Variants in ACAP2 observed in about 807,000 individuals in gnomAD.
The protein encoded by ACAP2 is arf-GAP with coiled-coil, ANK repeat and PH domain-containing protein 2.
A neutral mutation model predicts 115.8 loss-of-function variants in ACAP2; 39 were observed. That is an observed-to-expected ratio of 0.34 (90% CI 0.26 to 0.44). The LOEUF (loss-of-function observed/expected upper bound fraction) is 0.44. Ranked by LOEUF, ACAP2 falls within the 20% of genes least tolerant of loss-of-function variation. ACAP2 has a pLI of 1.00. For synonymous variants in ACAP2, 289 were observed against 315.8 expected (o/e 0.92, Z 0.90); for missense variants, 662 against 927.6 (o/e 0.71, Z 3.72).
At chr3:195,395,031 G>A (rs1711621661) in intron 1 of ACAP2, among the ~76,000 whole-genome samples, 3 of 145,614 alleles carry the variant, frequency 2.1e-5, no homozygotes, top group Non-Finnish European at 4.4e-5. Context: ...ATGAATAGAT[G>A]ACTTCTATTC....
intron 13 of ACAP2, among the ~76,000 whole-genome samples, chr3:195,305,721 A>T (rs1728378145): frequency 2.0e-5 from 3 of 152,042 alleles, no homozygotes; most frequent in Non-Finnish European, 4.4e-5. Context: ...CAATGTTCCC[A>T]TCATTTGTAC....
At chr3:195,372,112 C>T (rs1733191298) in intron 4 of ACAP2, among the ~76,000 whole-genome samples, 1 of 152,062 alleles carries the variant, frequency 6.6e-6, no homozygotes, top group African/African-American at 2.4e-5. Context: ...ACAATAATAT[C>T]AGATCGAGAA....
intron 1 of ACAP2, among the ~76,000 whole-genome samples, chr3:195,428,795 G>C (rs946651737): frequency 1.3e-5 from 2 of 152,130 alleles, no homozygotes; most frequent in Non-Finnish European, 2.9e-5. Flanking sequence ...CCAAATGCTA[G>C]CAAGAATGTG....
At chr3:195,434,777 T>C (rs779617607) in intron 1 of ACAP2, among the ~76,000 whole-genome samples, 3 of 152,232 alleles carry the variant, frequency 2.0e-5, no homozygotes, top group Non-Finnish European at 4.4e-5. Flanking sequence ...CTATTTTTTA[T>C]AGGTCTGTTC....
chr3:195,398,094 C>T (rs749697973), intron 1 of ACAP2, among the ~76,000 whole-genome samples: 18 of 152,146 alleles, frequency 1.2e-4, no homozygotes, highest in Non-Finnish European at 2.1e-4. Context: ...GAGTCCTCTC[C>T]TAACTTCCTA....
At chr3:195,341,329 T>G (rs951821979) in intron 6 of ACAP2, among the ~76,000 whole-genome samples, 7 of 140,208 alleles carry the variant, frequency 5.0e-5, no homozygotes, top group African/African-American at 1.8e-4. Flanking sequence ...GGGTTTTTTT[T>G]TTTTTTTTTT....
chr3:195,436,113 A>G (rs1339279655), intron 1 of ACAP2, among the ~76,000 whole-genome samples: 1 of 133,426 alleles, frequency 7.5e-6, no homozygotes, highest in Non-Finnish European at 1.5e-5. Flanking sequence ...ATATATACAT[A>G]TATATGTATA....
intron 1 of ACAP2, among the ~76,000 whole-genome samples, chr3:195,418,685 G>A (rs553679986): frequency 3.3e-4 from 50 of 152,142 alleles, no homozygotes; most frequent in African/African-American, 1.1e-3. Flanking sequence ...CCACCACGGC[G>A]TCCCCAAGTG....
chr3:195,364,036 T>C (rs577017391), intron 4 of ACAP2, among the ~76,000 whole-genome samples: 26 of 152,224 alleles, frequency 1.7e-4, no homozygotes, highest in Admixed American at 1.4e-3. Context: ...CTCCAGGACA[T>C]TGGACTGGAT....
chr3:195,326,733 C>A (rs1729820937), intron 9 of ACAP2, 152 bp downstream of exon 9: 3 of 588,288 alleles, frequency 5.1e-6, no homozygotes, highest in Non-Finnish European at 8.7e-6. Flanking sequence ...ATCTGAAGAA[C>A]ATTTTGCTCT....
At chr3:195,423,442 G>T (rs1275441787) in intron 1 of ACAP2, among the ~76,000 whole-genome samples, 2 of 152,034 alleles carry the variant, frequency 1.3e-5, no homozygotes, top group East Asian at 3.9e-4. Context: ...GGCCAACATG[G>T]TGAAACCTCA....
intron 1 of ACAP2, among the ~76,000 whole-genome samples, chr3:195,434,021 C>T (rs1715340788): frequency 6.6e-6 from 1 of 151,948 alleles, no homozygotes; most frequent in African/African-American, 2.4e-5. Flanking sequence ...CTCAACTACC[C>T]AGGCTCAAGT....
At position 195,415,171 on chromosome 3, in the gene ACAP2, G is replaced by A. The variant is rs116422627; in HGVS notation, c.54-23024C>T. Among the ~76,000 whole-genome samples the A allele has an allele frequency of 9.5e-3, 1,442 of 152,180 alleles. 18 individuals carry two copies. The highest frequency in any genetic ancestry group is 0.031 in the African/African-American group (1,287 of 41,514). ...TGCTTGTAACAAATGTATCATTCTGGTACAGGATGTTGATAGTGGGGAAGG... is the reference window on the plus strand; with the variant it reads ...TGCTTGTAACAAATGTATCATTCTGATACAGGATGTTGATAGTGGGGAAGG... On this transcript the variant is annotated intron_variant, in intron 1 of 22. Coordinates refer to ENST00000326793, the MANE Select transcript of ACAP2 (RefSeq NM_012287.6).
At chr3:195,392,285 TTTAG>T in intron 1 of ACAP2, 138 bp from the exon 2 acceptor site, 1 of 666,152 alleles carries the variant, frequency 1.5e-6, no homozygotes, top group East Asian at 2.9e-5. Context: ...TACCTTGGAA[TTTAG>T]TATCAATACT....
At chr3:195,307,390 C>G (rs1448233590) in intron 11 of ACAP2, 67 bp from the exon 12 acceptor site, 2 of 942,792 alleles carry the variant, frequency 2.1e-6, no homozygotes, top group African/African-American at 1.6e-5. Flanking sequence ...TAATGAAATA[C>G]TTAAAAATAT....
intron 1 of ACAP2, among the ~76,000 whole-genome samples, chr3:195,400,144 C>G (rs1354128561): frequency 1.3e-5 from 2 of 151,480 alleles, no homozygotes; most frequent in Non-Finnish European, 2.9e-5. Flanking sequence ...CACCATTGCA[C>G]TCCAGCCTGG....
intron 16 of ACAP2, among the ~76,000 whole-genome samples, chr3:195,296,431 T>C (rs1165858308): frequency 6.6e-6 from 1 of 152,212 alleles, no homozygotes; most frequent in South Asian, 2.1e-4. Context: ...TTTTTACTTA[T>C]ATCCTCTTAA....
chr3:195,316,740 C>A (rs554171220), intron 10 of ACAP2, among the ~76,000 whole-genome samples: 26 of 152,068 alleles, frequency 1.7e-4, no homozygotes, highest in Non-Finnish European at 3.2e-4. Context: ...GGTTTAACAT[C>A]AAATATAATC....
At chr3:195,436,416 G>A (rs1431373984) in intron 1 of ACAP2, among the ~76,000 whole-genome samples, 2 of 152,046 alleles carry the variant, frequency 1.3e-5, no homozygotes, top group Non-Finnish European at 2.9e-5. Context: ...TTACAGGAGT[G>A]AGCCACCATG....
Sources: gnomAD v4.1 joint callset for allele counts (sites outside exome capture counted in the v4.1 genomes callset) on GRCh38, gnomAD v4.1.1 for gene constraint, MANE v1.5 for transcripts, NCBI Gene and HGNC (gene_info 2026-07-23, HGNC 2026-07-21) for gene names.